Variants in AZIN1 observed in about 807,000 individuals in gnomAD.
AZIN1 encodes ornithine decarboxylase antizyme inhibitor.
Under a neutral mutation model 47.4 loss-of-function variants are expected in AZIN1, and 12 were observed. The ratio of observed to expected loss-of-function variants is 0.25; its 90% CI spans 0.16 to 0.41. The LOEUF is 0.41. AZIN1 is among the 10% of genes least tolerant of loss of function. The pLI is 1.00. For missense variants in AZIN1, 410 were observed against 532.4 expected, an observed-to-expected ratio of 0.77 and a Z score of 2.26; for synonymous variants, 155 against 176.3, an observed-to-expected ratio of 0.88 and a Z score of 0.96.
Position 102,829,292 on chromosome 8 carries a change from G to A in AZIN1, c.1215C>T (p.Tyr405=). 1 of 1,613,456 alleles carries A rather than the reference G, an allele frequency of 6.2e-7. No individual in the cohort carries two copies. Among genetic ancestry groups the A allele is most frequent in the Non-Finnish European group, 8.5e-7 (1 of 1,179,516 alleles). Residue 405 remains tyrosine (Y), a synonymous_variant, in exon 11 of 12, where the codon TAC becomes TAT. Coordinates refer to ENST00000337198, the MANE Select transcript of AZIN1 (RefSeq NM_148174.4). ...FNDFQRPAIY[Y]MMSFSDWYEM... Reference sequence around the variant, plus strand: ...CTTACCAATCACTGAATGACATCATGTAATAAATGGCTGGCCTCTGAAAAT... The same window carrying A: ...CTTACCAATCACTGAATGACATCATATAATAAATGGCTGGCCTCTGAAAAT...
At chr8:102,829,634 A>G (rs1296636668) in intron 10 of AZIN1, 148 bp from the exon 11 acceptor site, 4 of 826,380 alleles carry the variant, frequency 4.8e-6, no homozygotes, top group South Asian at 1.7e-5. Context: ...TTAAGCCTCG[A>G]TGGTACCATT....
chr8:102,828,741 C>A, intron 11 of AZIN1, 63 bp from the exon 12 acceptor site: 1 of 978,146 alleles, frequency 1.0e-6, no homozygotes, highest in Non-Finnish European at 1.6e-6. Context: ...AATCACATAA[C>A]AAATGGATAA....
At chr8:102,850,982 C>G (rs750717042) in intron 2 of AZIN1, among the ~76,000 whole-genome samples, 21 of 152,080 alleles carry the variant, frequency 1.4e-4, no homozygotes, top group Non-Finnish European at 2.4e-4. Flanking sequence ...AATGAGAAAA[C>G]AAAATACACA....
chr8:102,831,213 A>G (rs1811435054), intron 9 of AZIN1, among the ~76,000 whole-genome samples: 1 of 152,108 alleles, frequency 6.6e-6, no homozygotes, highest in Non-Finnish European at 1.5e-5. Flanking sequence ...AGAGTAACAG[A>G]TTATATAAAC....
chr8:102,841,805 T>TTAA (rs1554581317), intron 3 of AZIN1, among the ~76,000 whole-genome samples: 28 of 114,444 alleles, frequency 2.4e-4, no homozygotes, highest in Admixed American at 1.2e-3. Flanking sequence ...TATATATATA[T>TTAA]AAAAAAAAAA....
intron 5 of AZIN1, 193 bp from the exon 6 acceptor site, chr8:102,836,583 A>G (rs1811838134): frequency 3.5e-6 from 2 of 570,330 alleles, no homozygotes; most frequent in Non-Finnish European, 6.1e-6. Flanking sequence ...TAAAGCATGA[A>G]GCTTACAAGG....
At chr8:102,861,619 G>A (rs1313474645) in intron 1 of AZIN1, among the ~76,000 whole-genome samples, 2 of 152,132 alleles carry the variant, frequency 1.3e-5, no homozygotes, top group Non-Finnish European at 2.9e-5. Context: ...TACAGATAAA[G>A]ACAACAGGGA....
chr8:102,844,802 A>T lies in AZIN1; in HGVS notation c.-95-1055T>A, dbSNP rs78286048. 3.5e-3 allele frequency among the ~76,000 whole-genome samples: 531 copies of T among 152,300 alleles called. 3 individuals are homozygous for T. Among genetic ancestry groups the T allele is most frequent in the African/African-American group, 0.012 (500 of 41,564 alleles). Reference sequence around the variant, plus strand: ...CCTGAGCCAGTTACTAAGTAATCTGATTTTTAAAAAGACTTTAGGCTAAAT... The same window carrying T: ...CCTGAGCCAGTTACTAAGTAATCTGTTTTTTAAAAAGACTTTAGGCTAAAT... On this transcript the variant is annotated intron_variant, in intron 2 of 11. Transcript: ENST00000337198.
rs144395054 is a variant in AZIN1 at position 102,845,817 on chromosome 8, G to GA, written c.-95-2071dup. On this transcript the variant is annotated intron_variant, in intron 2 of 11. Transcript: ENST00000337198. ...GGCCTAAATAAAATACTTTGAAATG[G>GA]AAAAAAAAATAAGTAAATTGTGTCC... Among the ~76,000 whole-genome samples the GA allele has an allele frequency of 4.1e-3, 621 of 150,448 alleles. 4 individuals are homozygous for GA. The highest frequency in any genetic ancestry group is 0.014 in the African/African-American group (586 of 41,042).
rs756778944 is a variant in AZIN1, at chr8:102,828,579, G to T, written c.1335C>A (p.Ser445=). 1 of 1,606,300 alleles carries T rather than the reference G, an allele frequency of 6.2e-7. No individual in the cohort carries two copies. The highest frequency in any genetic ancestry group is 8.5e-7 in the Non-Finnish European group (1 of 1,174,042). ...CGTTAATGCCTGTTTAAGCTTCAGCGGAAAAGCTGTCTTCTTGGCTCAGCT... is the reference window on the plus strand; with the variant it reads ...CGTTAATGCCTGTTTAAGCTTCAGCTGAAAAGCTGTCTTCTTGGCTCAGCT... ...CIQLSQEDSF[S]AEA Residue 445 remains serine (S), a synonymous_variant, in exon 12 of 12, where the codon TCC becomes TCA. Transcript: ENST00000337198.
At chr8:102,859,522 G>A (rs1455708089) in intron 1 of AZIN1, among the ~76,000 whole-genome samples, 1 of 152,154 alleles carries the variant, frequency 6.6e-6, no homozygotes, top group East Asian at 1.9e-4. Context: ...TTAACAAAAA[G>A]ATACTAGTAG....
intron 9 of AZIN1, among the ~76,000 whole-genome samples, chr8:102,830,401 CA>C (rs34437491): frequency 0.3 from 26,982 of 90,532 alleles, 1,879 homozygotes; most frequent in South Asian, 0.45. Flanking sequence ...GACCCTGTCT[CA>C]AAAAAAAAAA....
intron 6 of AZIN1, among the ~76,000 whole-genome samples, chr8:102,835,927 T>C (rs1811793058): frequency 6.6e-6 from 1 of 152,210 alleles, no homozygotes; most frequent in Non-Finnish European, 1.5e-5. Context: ...TCTGACACTT[T>C]TATTTTCATT....
At chr8:102,842,951 T>A (rs1435369440) in intron 3 of AZIN1, among the ~76,000 whole-genome samples, 3 of 151,258 alleles carry the variant, frequency 2.0e-5, no homozygotes, top group African/African-American at 7.3e-5. Context: ...GCGCGGTGGC[T>A]CGTGCCTGTA....
chr8:102,828,852 CAT>C (rs1811258980), intron 11 of AZIN1, among the ~76,000 whole-genome samples, 174 bp from the exon 12 acceptor site: 1 of 152,242 alleles, frequency 6.6e-6, no homozygotes, highest in Non-Finnish European at 1.5e-5. Flanking sequence ...AAAGACTACA[CAT>C]ATGACTGTGG....
At chr8:102,829,144 A>G in intron 11 of AZIN1, 128 bp downstream of exon 11, 1 of 786,744 alleles carries the variant, frequency 1.3e-6, no homozygotes, top group Non-Finnish European at 2.0e-6. Flanking sequence ...ATCATTAAGT[A>G]ACTACACTGT....
At chr8:102,859,187 T>G (rs1813473941) in intron 1 of AZIN1, 1 of 152,140 alleles carries the variant, frequency 6.6e-6, no homozygotes, top group Admixed American at 6.5e-5. Flanking sequence ...AGGAAAGAAC[T>G]CCTACAAACA....
intron 2 of AZIN1, among the ~76,000 whole-genome samples, chr8:102,847,625 T>A (rs1360253056): frequency 1.3e-5 from 2 of 151,738 alleles, no homozygotes; most frequent in African/African-American, 4.8e-5. Context: ...TGGAGTGCAG[T>A]GGCATCACAG....
intron 1 of AZIN1, among the ~76,000 whole-genome samples, chr8:102,859,809 C>T (rs117906792): frequency 0.021 from 3,148 of 152,144 alleles, 55 homozygotes; most frequent in Middle Eastern, 0.082. Flanking sequence ...GTACTCCAGC[C>T]CAGGCAACAG....
Sources: allele counts gnomAD v4.1 joint callset (sites outside exome capture counted in the v4.1 genomes callset), GRCh38; gene constraint gnomAD v4.1.1; transcripts MANE v1.5; gene names NCBI Gene and HGNC (gene_info 2026-07-23, HGNC 2026-07-21).